LARGE1: variants seen among roughly 807,000 people sequenced by gnomAD.
LARGE1 encodes the protein LARGE xylosyl- and glucuronyltransferase 1.
LARGE1 carries 43 observed loss-of-function variants against 87.6 expected under a neutral mutation model. The ratio of observed to expected loss-of-function variants is 0.49; its 90% CI spans 0.38 to 0.63. The LOEUF (loss-of-function observed/expected upper bound fraction) is 0.63, where lower values mean the gene tolerates loss of function less well. Among genes scored for constraint, LARGE1 ranks in the 30% least tolerant of loss-of-function variants. The pLI is 0.00. For missense variants in LARGE1, 802 were observed against 1,000.2 expected (o/e 0.80, Z 2.67); for synonymous variants, 434 against 394.6 (o/e 1.10, Z -1.18).
intron 10 of LARGE1, among the ~76,000 whole-genome samples, chr22:33,316,855 A>G (rs914308483): frequency 4.6e-5 from 7 of 152,238 alleles, no homozygotes; most frequent in Non-Finnish European, 8.8e-5. Flanking sequence ...ATAACCAACC[A>G]TAAACTCCTT....
chr22:33,146,725 A>C, the LARGE1 span, among the ~76,000 whole-genome samples: 1 of 152,110 alleles, frequency 6.6e-6, no homozygotes, highest in African/African-American at 2.4e-5. Context: ...TTGGGGAAAA[A>C]AAATCTTAGC....
chr22:33,520,067 T>C (rs182917997), intron 6 of LARGE1, among the ~76,000 whole-genome samples: 7 of 146,998 alleles, frequency 4.8e-5, no homozygotes, highest in Admixed American at 1.4e-4. Context: ...TGCGGTGGTG[T>C]GATCAGAGCT....
At chr22:33,631,957 G>C (rs1022901173) in intron 3 of LARGE1, among the ~76,000 whole-genome samples, 1 of 152,168 alleles carries the variant, frequency 6.6e-6, no homozygotes, top group African/African-American at 2.4e-5. Flanking sequence ...GGTAAATGCA[G>C]TCCACTGTTG....
intron 13 of LARGE1, among the ~76,000 whole-genome samples, chr22:33,282,466 C>T (rs1003127140): frequency 8.5e-5 from 13 of 152,224 alleles, no homozygotes; most frequent in Non-Finnish European, 5.9e-5. Flanking sequence ...CCTACTTTCC[C>T]CTGGATCACT....
At position 33,920,092 on chromosome 22, in the gene LARGE1, C is replaced by G. The variant is rs1701597871; in HGVS notation, c.-180G>C. On this transcript the variant is annotated 5_prime_UTR_variant, in exon 1 of 15. Coordinates refer to ENST00000397394, the MANE Select transcript of LARGE1 (RefSeq NM_133642.5). ...AGGCGCAGGGGGTCCGGGTCAGGGT[C>G]CCGGCAGGCGCTGCCCTACTCGGAG... 6.6e-6 allele frequency: 1 copy of G among 152,052 alleles called. No homozygotes were observed. Among genetic ancestry groups the G allele is most frequent in the South Asian group, 2.1e-4 (1 of 4,810 alleles). The allele number at this position is 152,052 out of a possible 1,614,324, so 9.4% of individuals were successfully genotyped here.
chr22:33,316,075 T>C lies in LARGE1; in HGVS notation c.1451+10A>G, dbSNP rs1601415653. ...GAGGAGACTGGGGTGGGTGAGGCCG[T>C]CTGCCATACCTGTCCATGGACAGCT... On this transcript the variant is annotated intron_variant, in intron 11 of 14. Coordinates refer to ENST00000397394, the MANE Select transcript of LARGE1 (RefSeq NM_133642.5). The C allele has an allele frequency of 1.2e-6, 2 of 1,613,372 alleles. No homozygotes were observed. Among genetic ancestry groups the C allele is most frequent in the Non-Finnish European group, 1.7e-6 (2 of 1,179,630 alleles).
intron 1 of LARGE1, among the ~76,000 whole-genome samples, chr22:33,901,914 TGA>T (rs2065292765): frequency 6.6e-6 from 1 of 152,218 alleles, no homozygotes; most frequent in Non-Finnish European, 1.5e-5. Context: ...GACTACAATT[TGA>T]AAGCTGCTAC....
At chr22:33,531,307 G>A (rs1226923640) in intron 6 of LARGE1, among the ~76,000 whole-genome samples, 2 of 151,216 alleles carry the variant, frequency 1.3e-5, no homozygotes, top group Non-Finnish European at 2.9e-5. Context: ...ACAGGTGCCC[G>A]CCACCATGCC....
At chr22:33,407,250 C>G (rs1235730305) in intron 7 of LARGE1, among the ~76,000 whole-genome samples, 1 of 152,154 alleles carries the variant, frequency 6.6e-6, no homozygotes, top group Non-Finnish European at 1.5e-5. Flanking sequence ...GTTTTGAACT[C>G]TTGGGCTCCA....
chr22:33,081,913 A>T, the LARGE1 span, among the ~76,000 whole-genome samples: 3 of 152,210 alleles, frequency 2.0e-5, no homozygotes, highest in African/African-American at 7.2e-5. Flanking sequence ...AGATTCAGGG[A>T]GATTCAGGGA....
At chr22:33,551,679 G>A (rs2077524751) in intron 6 of LARGE1, among the ~76,000 whole-genome samples, 1 of 151,992 alleles carries the variant, frequency 6.6e-6, no homozygotes, top group African/African-American at 2.4e-5. Context: ...CCTTTATTAG[G>A]TCCTAACCTA....
At chr22:33,816,993 G>C (rs937783709) in intron 1 of LARGE1, among the ~76,000 whole-genome samples, 2 of 152,100 alleles carry the variant, frequency 1.3e-5, no homozygotes, top group Non-Finnish European at 2.9e-5. Flanking sequence ...CTGGGAAGTC[G>C]GGGTGGAGGG....
chr22:33,843,428 C>T (rs1342432050), intron 1 of LARGE1, among the ~76,000 whole-genome samples: 1 of 123,810 alleles, frequency 8.1e-6, no homozygotes, highest in Non-Finnish European at 1.7e-5. Context: ...TAGAGCAAGA[C>T]TCCCTCTCAA....
intron 6 of LARGE1, among the ~76,000 whole-genome samples, chr22:33,501,014 T>A (rs1339920351): frequency 1.3e-5 from 2 of 152,094 alleles, no homozygotes; most frequent in African/African-American, 4.8e-5. Context: ...CGGGCGCCCA[T>A]GGAAGGCTTC....
At chr22:33,755,095 C>T (rs1355641511) in intron 2 of LARGE1, among the ~76,000 whole-genome samples, 1 of 152,192 alleles carries the variant, frequency 6.6e-6, no homozygotes, top group African/African-American at 2.4e-5. Flanking sequence ...TGCCAGTCTT[C>T]AAAATAGCCC....
chr22:33,650,669 C>A lies in LARGE1; in HGVS notation c.107-1G>T. ...GGTGACAGAGACACGGGCTTTCCAT[C>A]TGGGGAGCGAAACACCAGGGAAGCT... On this transcript the variant is annotated splice_acceptor_variant, in intron 2 of 14. Coordinates refer to ENST00000397394, the MANE Select transcript of LARGE1 (RefSeq NM_133642.5). LOFTEE classifies it high-confidence loss of function. 6.3e-7 allele frequency: 1 copy of A among 1,599,542 alleles called. No homozygotes were observed. The highest frequency in any genetic ancestry group is 1.1e-5 in the South Asian group (1 of 91,008).
intron 11 of LARGE1, among the ~76,000 whole-genome samples, chr22:33,259,414 C>G (rs1251315264): frequency 6.6e-6 from 1 of 151,792 alleles, no homozygotes; most frequent in Non-Finnish European, 1.5e-5. Context: ...AATTCCTTCA[C>G]TTTTTTGCCA....
intron 11 of LARGE1, among the ~76,000 whole-genome samples, chr22:33,307,906 G>A (rs1295617559): frequency 6.6e-6 from 1 of 151,978 alleles, no homozygotes; most frequent in Non-Finnish European, 1.5e-5. Flanking sequence ...TCCCCGTGCA[G>A]TTCTTGCTGA....
chr22:33,752,018 G>C (rs560995797), intron 2 of LARGE1, among the ~76,000 whole-genome samples: 1 of 152,304 alleles, frequency 6.6e-6, no homozygotes, highest in East Asian at 1.9e-4. Flanking sequence ...CTGGCCTCAA[G>C]TAATCTGCCT....
Sources: gnomAD v4.1 joint callset for allele counts (sites outside exome capture counted in the v4.1 genomes callset) on GRCh38, gnomAD v4.1.1 for gene constraint, MANE v1.5 for transcripts, NCBI Gene and HGNC (gene_info 2026-07-23, HGNC 2026-07-21) for gene names.